ASTN2: variants seen among roughly 807,000 people sequenced by gnomAD.
ASTN2 encodes the protein astrotactin-2.
A neutral mutation model predicts 139.8 loss-of-function variants in ASTN2; 54 were observed. The ratio of observed to expected loss-of-function variants is 0.39; its 90% confidence interval spans 0.31 to 0.48. The LOEUF (loss-of-function observed/expected upper bound fraction) is 0.48. ASTN2 is among the 20% of genes least tolerant of loss of function. The probability of loss-of-function intolerance (pLI) is 0.95; values close to 1 mark genes in which losing one functional copy is unlikely to be tolerated. For missense variants in ASTN2, 1,565 were observed against 1,725.1 expected (o/e 0.91, Z 1.64); for synonymous variants, 756 against 719.5 (o/e 1.05, Z -0.81).
At chr9:117,322,386 C>T (rs1231572461) in intron 1 of ASTN2, among the ~76,000 whole-genome samples, 1 of 152,180 alleles carries the variant, frequency 6.6e-6, no homozygotes, top group Non-Finnish European at 1.5e-5. Flanking sequence ...ATGTGTCAGT[C>T]CTACTGTGTA....
chr9:116,461,133 C>T (rs1172819115), intron 20 of ASTN2, among the ~76,000 whole-genome samples: 1 of 151,918 alleles, frequency 6.6e-6, no homozygotes, highest in Non-Finnish European at 1.5e-5. Flanking sequence ...TAAATTTTGA[C>T]CATACCCCAA....
At chr9:116,894,337 C>T (rs1248800697) in intron 10 of ASTN2, among the ~76,000 whole-genome samples, 1 of 152,006 alleles carries the variant, frequency 6.6e-6, no homozygotes, top group Non-Finnish European at 1.5e-5. Context: ...TCAATGACTC[C>T]ATTACAATTT....
chr9:117,332,040 G>A (rs1296353982), intron 1 of ASTN2, among the ~76,000 whole-genome samples: 2 of 152,158 alleles, frequency 1.3e-5, no homozygotes, highest in Non-Finnish European at 2.9e-5. Context: ...AGAAAATGTA[G>A]GGCCCACTGG....
chr9:117,021,874 A>G (rs955309616), intron 6 of ASTN2, among the ~76,000 whole-genome samples: 3 of 152,214 alleles, frequency 2.0e-5, no homozygotes, highest in African/African-American at 7.2e-5. Flanking sequence ...ATGCTGGATA[A>G]ATATTAGCTA....
chr9:117,268,670 A>C (rs1399632855), intron 2 of ASTN2, among the ~76,000 whole-genome samples: 1 of 152,216 alleles, frequency 6.6e-6, no homozygotes, highest in Non-Finnish European at 1.5e-5. Flanking sequence ...AAGGTTGAAG[A>C]AGCAAATGAA....
At chr9:116,849,911 G>T (rs1048161945) in intron 11 of ASTN2, among the ~76,000 whole-genome samples, 5 of 152,102 alleles carry the variant, frequency 3.3e-5, no homozygotes, top group African/African-American at 7.2e-5. Flanking sequence ...TGCTTCTGTG[G>T]GTATATATTT....
At chr9:116,803,291 CCA>C (rs1294059472) in intron 13 of ASTN2, among the ~76,000 whole-genome samples, 1 of 148,188 alleles carries the variant, frequency 6.7e-6, no homozygotes, top group Non-Finnish European at 1.5e-5. Flanking sequence ...TAAATTTTTC[CCA>C]GAGCTTTTCC....
chr9:116,499,018 T>C (rs1317335311), intron 19 of ASTN2, among the ~76,000 whole-genome samples: 1 of 152,188 alleles, frequency 6.6e-6, no homozygotes, highest in Non-Finnish European at 1.5e-5. Flanking sequence ...TGGCTGCTTC[T>C]GTTCCATCAT....
chr9:116,908,740 C>A (rs1442771047), intron 10 of ASTN2, among the ~76,000 whole-genome samples: 2 of 152,204 alleles, frequency 1.3e-5, no homozygotes, highest in African/African-American at 4.8e-5. Flanking sequence ...GTTTGAGAAG[C>A]TGTGTATGCA....
At chr9:117,366,330 T>G (rs940737977) in intron 1 of ASTN2, among the ~76,000 whole-genome samples, 11 of 152,264 alleles carry the variant, frequency 7.2e-5, no homozygotes, top group Admixed American at 1.3e-4. Context: ...CACTTTCCAA[T>G]GTACAGATCC....
intron 3 of ASTN2, among the ~76,000 whole-genome samples, chr9:117,176,592 G>T (rs1830923351): frequency 6.6e-6 from 1 of 152,086 alleles, no homozygotes; most frequent in African/African-American, 2.4e-5. Context: ...AAAAAAGATA[G>T]ATATGAGGAT....
At chr9:116,741,884 C>T (rs1037980658) in intron 13 of ASTN2, among the ~76,000 whole-genome samples, 2 of 152,184 alleles carry the variant, frequency 1.3e-5, no homozygotes, top group African/African-American at 4.8e-5. Context: ...AGTTTAAGTT[C>T]TCTGGTCAAG....
At chr9:117,138,313 C>T (rs531553843) in intron 4 of ASTN2, among the ~76,000 whole-genome samples, 6 of 151,914 alleles carry the variant, frequency 3.9e-5, no homozygotes, top group African/African-American at 1.4e-4. Flanking sequence ...ATTTGAAAGG[C>T]GAGAAGGGGC....
At chr9:116,655,717 C>T (rs566248141) in intron 16 of ASTN2, among the ~76,000 whole-genome samples, 338 of 152,132 alleles carry the variant, frequency 2.2e-3, no homozygotes, top group African/African-American at 7.7e-3. Context: ...ATATATACAG[C>T]GTCTCACTCT....
chr9:117,414,165 C>T lies in ASTN2; in HGVS notation c.442+332G>A, dbSNP rs1310438823. 3.3e-5 allele frequency among the ~76,000 whole-genome samples: 5 copies of T among 152,098 alleles called. No homozygotes were observed. In the East Asian group the frequency reaches 5.8e-4, roughly 18 times the overall value. On this transcript the variant is annotated intron_variant, in intron 1 of 22. Transcript: ENST00000313400. This position sits in a 1 kb window ranked among gnomAD's most constrained non-coding sequence, Gnocchi z 4.2. ...AACTGGCTTAGGATCTGGGATGCTCCGGCCCCTAGCCAGAGCACCTTCAGT... is the reference window on the plus strand; with the variant it reads ...AACTGGCTTAGGATCTGGGATGCTCTGGCCCCTAGCCAGAGCACCTTCAGT...
intron 3 of ASTN2, among the ~76,000 whole-genome samples, chr9:117,179,169 A>G (rs1037374409): frequency 6.6e-6 from 1 of 152,172 alleles, no homozygotes. Flanking sequence ...ATTACAGAGT[A>G]TGTGTGAACA....
intron 3 of ASTN2, among the ~76,000 whole-genome samples, chr9:117,168,234 C>T (rs373114662): frequency 5.3e-5 from 8 of 152,126 alleles, no homozygotes; most frequent in African/African-American, 1.2e-4. Context: ...AGAGGAACTA[C>T]GAAGATATGG....
At chr9:116,537,573 A>C (rs866860431) in intron 19 of ASTN2, among the ~76,000 whole-genome samples, 8 of 152,210 alleles carry the variant, frequency 5.3e-5, no homozygotes, top group African/African-American at 4.8e-5. Flanking sequence ...GAATAATTAA[A>C]ATTTGGTGAA....
At chr9:117,110,806 T>C (rs1289784093) in intron 4 of ASTN2, among the ~76,000 whole-genome samples, 1 of 152,220 alleles carries the variant, frequency 6.6e-6, no homozygotes, top group Non-Finnish European at 1.5e-5. Flanking sequence ...TCAGGGAACC[T>C]GAAGCAGCAG....
Sources: gnomAD v4.1 joint callset for allele counts (sites outside exome capture counted in the v4.1 genomes callset) on GRCh38, gnomAD v4.1.1 for gene constraint, Gnocchi (gnomAD v3.1) non-coding constraint, MANE v1.5 for transcripts, NCBI Gene and HGNC (gene_info 2026-07-23, HGNC 2026-07-21) for gene names.